PPM1L: variants seen among roughly 807,000 people sequenced by gnomAD.
PPM1L encodes protein phosphatase 1L.
PPM1L carries 13 observed loss-of-function variants against 31.4 expected under a neutral mutation model. That is an observed-to-expected ratio of 0.41 (90% CI 0.27 to 0.66). The LOEUF (loss-of-function observed/expected upper bound fraction) is 0.66, where lower values mean the gene tolerates loss of function less well. PPM1L is among the 30% of genes least tolerant of loss of function. The pLI, the probability that PPM1L is intolerant of heterozygous loss-of-function variation, is 0.29. For synonymous variants in PPM1L, 184 were observed against 175.4 expected (o/e 1.05, Z -0.39); for missense variants, 326 against 453.7 (o/e 0.72, Z 2.56).
intron 1 of PPM1L, among the ~76,000 whole-genome samples, chr3:160,814,715 G>A (rs1258646345): frequency 1.1e-5 from 1 of 90,802 alleles, no homozygotes; most frequent in Admixed American, 1.1e-4. Flanking sequence ...ATATATATGT[G>A]TATGTATACG....
chr3:160,787,775 A>G (rs1711979964), intron 1 of PPM1L, among the ~76,000 whole-genome samples: 1 of 152,142 alleles, frequency 6.6e-6, no homozygotes, highest in Non-Finnish European at 1.5e-5. Context: ...TGATTTTTGT[A>G]TATGGTGAAA....
chr3:161,049,495 A>G lies in PPM1L; in HGVS notation c.575-15908A>G, dbSNP rs139134204. ...CTAACTGCCTCCTTGCCACACTCCT[A>G]ATAAGGTTCTACATCTTGCAGAAAT... On this transcript the variant is annotated intron_variant, in intron 2 of 3. Transcript: ENST00000498165. Among the ~76,000 whole-genome samples, 57 of 152,258 alleles carry G rather than the reference A, an allele frequency of 3.7e-4. 1 individual carries two copies. In the South Asian group the frequency reaches 0.01, roughly 27 times the overall value.
chr3:160,973,978 G>C (rs1002186203), intron 2 of PPM1L, among the ~76,000 whole-genome samples: 1 of 146,370 alleles, frequency 6.8e-6, no homozygotes, highest in Non-Finnish European at 1.5e-5. Context: ...CCACTAACTC[G>C]TCATCTAGCA....
chr3:160,891,909 C>T (rs772110451), intron 1 of PPM1L, among the ~76,000 whole-genome samples: 17 of 152,196 alleles, frequency 1.1e-4, no homozygotes, highest in East Asian at 1.9e-4. Flanking sequence ...GAAAACCAAA[C>T]GCCACATGTT....
chr3:160,999,040 G>C (rs1027654296), intron 2 of PPM1L, among the ~76,000 whole-genome samples: 1 of 152,202 alleles, frequency 6.6e-6, no homozygotes, highest in East Asian at 1.9e-4. Context: ...GGTTGCTACC[G>C]CCTGGCACAA....
chr3:160,953,498 A>G (rs188962438), intron 1 of PPM1L, among the ~76,000 whole-genome samples: 1 of 152,374 alleles, frequency 6.6e-6, no homozygotes, highest in African/African-American at 2.4e-5. Flanking sequence ...TGAGTAACGT[A>G]ACAAAATGAG....
At chr3:160,915,258 C>T (rs1052448762) in intron 1 of PPM1L, among the ~76,000 whole-genome samples, 2 of 152,120 alleles carry the variant, frequency 1.3e-5, no homozygotes, top group Admixed American at 6.6e-5. Flanking sequence ...TTCTTATACT[C>T]CAATAATAGA....
intron 1 of PPM1L, among the ~76,000 whole-genome samples, chr3:160,908,547 A>G (rs1713843334): frequency 6.6e-6 from 1 of 152,158 alleles, no homozygotes; most frequent in African/African-American, 2.4e-5. Context: ...AGTGTATCTT[A>G]CATTTAGAAA....
At position 160,994,418 on chromosome 3, in the gene PPM1L, A is replaced by G. The variant is rs564683553; in HGVS notation, c.574+32508A>G. Among the ~76,000 whole-genome samples, 3 of 152,268 alleles carry G rather than the reference A, an allele frequency of 2.0e-5. No homozygotes were observed. The East Asian group carries it at 5.8e-4, about 29-fold the overall frequency. On this transcript the variant is annotated intron_variant, in intron 2 of 3. Coordinates refer to ENST00000498165, the MANE Select transcript of PPM1L (RefSeq NM_139245.4). ...CATTTTCATTTAGCACCATTTCCCC[A>G]GTGATCTTCACCTGGCAATCTACAT...
At chr3:160,989,408 A>ATT (rs200392486) in intron 2 of PPM1L, among the ~76,000 whole-genome samples, 6 of 145,580 alleles carry the variant, frequency 4.1e-5, no homozygotes, top group East Asian at 4.0e-4. Flanking sequence ...ATTTAAAACA[A>ATT]TTTTTTTTTT....
chr3:160,983,654 G>A (rs1562465), intron 2 of PPM1L, among the ~76,000 whole-genome samples: 71,689 of 152,040 alleles, frequency 0.47, 18,206 homozygotes, highest in East Asian at 0.7. Flanking sequence ...TATTCTGTGG[G>A]TTGGCGATCA....
chr3:160,819,887 C>A lies in PPM1L; in HGVS notation c.399+63180C>A, dbSNP rs138261521. ...AATCATATTTTTTGCTCCATGACAT[C>A]CTTTGTCATTTTATTGTTATTTATA... On this transcript the variant is annotated intron_variant, in intron 1 of 3. Coordinates refer to ENST00000498165, the MANE Select transcript of PPM1L (RefSeq NM_139245.4). Among the ~76,000 whole-genome samples, 10 of 152,036 alleles carry A rather than the reference C, an allele frequency of 6.6e-5. No homozygotes were observed. In the East Asian group the frequency reaches 1.9e-3, roughly 29 times the overall value.
chr3:160,827,831 A>G (rs1002891687), intron 1 of PPM1L, among the ~76,000 whole-genome samples: 5 of 152,116 alleles, frequency 3.3e-5, no homozygotes, highest in African/African-American at 1.2e-4. Context: ...TAATTGGCTT[A>G]CAGTTCTACA....
intron 1 of PPM1L, among the ~76,000 whole-genome samples, chr3:160,772,581 T>C (rs1715286423): frequency 6.6e-6 from 1 of 152,232 alleles, no homozygotes; most frequent in Non-Finnish European, 1.5e-5. Flanking sequence ...TACAATAAAC[T>C]GTACATGCTT....
chr3:160,765,861 T>C (rs887237207), intron 1 of PPM1L, among the ~76,000 whole-genome samples: 1 of 152,188 alleles, frequency 6.6e-6, no homozygotes, highest in Non-Finnish European at 1.5e-5. Context: ...TCCTATTGCA[T>C]ATATTGTTAA....
chr3:160,770,697 C>G (rs112906256), intron 1 of PPM1L, among the ~76,000 whole-genome samples: 2,524 of 152,286 alleles, frequency 0.017, 67 homozygotes, highest in African/African-American at 0.057. Context: ...CGATTCTGCA[C>G]GTTGAAAGAC....
At chr3:160,851,540 G>T (rs976691011) in intron 1 of PPM1L, among the ~76,000 whole-genome samples, 4 of 152,160 alleles carry the variant, frequency 2.6e-5, no homozygotes, top group East Asian at 1.9e-4. Flanking sequence ...TTAAATCTTC[G>T]TAGAGAAAGT....
At position 160,803,621 on chromosome 3, in the gene PPM1L, A is replaced by T. The variant is rs368624316; in HGVS notation, c.399+46914A>T. Among the ~76,000 whole-genome samples the T allele has an allele frequency of 6.6e-5, 10 of 152,124 alleles. No homozygotes were observed. In the East Asian group the frequency reaches 1.2e-3, roughly 18 times the overall value. ...TAAAACAATGAAAAGTGTTCATACT[A>T]ATATATGTAGACATGCCTTATGGCT... On this transcript the variant is annotated intron_variant, in intron 1 of 3. Transcript: ENST00000498165.
chr3:160,809,030 A>G (rs982764410), intron 1 of PPM1L, among the ~76,000 whole-genome samples: 2 of 152,210 alleles, frequency 1.3e-5, no homozygotes, highest in Non-Finnish European at 2.9e-5. Context: ...ACTGCCAGGC[A>G]GGGAAGGGCT....
Sources: allele counts gnomAD v4.1 joint callset (sites outside exome capture counted in the v4.1 genomes callset), GRCh38; gene constraint gnomAD v4.1.1; transcripts MANE v1.5; gene names NCBI Gene and HGNC (gene_info 2026-07-23, HGNC 2026-07-21).